The following CEP104 variants were observed in gnomAD, a reference collection of about 807,000 sequenced individuals.
CEP104 encodes centrosomal protein 104.
In CEP104, 84 loss-of-function variants were observed where a neutral mutation model predicts 113.3. The observed-to-expected ratio is 0.74, with a 90% CI of 0.62 to 0.89. The LOEUF is 0.89. CEP104 is among the 40% of genes least tolerant of loss of function. The pLI is 0.00. For synonymous variants in CEP104, 378 were observed against 421.7 expected, an observed-to-expected ratio of 0.90 and a Z score of 1.27; for missense variants, 1,053 against 1,156.6, an observed-to-expected ratio of 0.91 and a Z score of 1.30.
In CEP104 at chr1:3,852,165, T is replaced by C. The variant is rs1539648; in HGVS notation, c.113+130A>G. On this transcript the variant is annotated intron_variant, in intron 2 of 21. Transcript: ENST00000378230. ...ACAGAAAGAGATGCCTGACACTGCATGCTGACATCCTTGGTCCTGATGTCC... is the reference window on the plus strand; with the variant it reads ...ACAGAAAGAGATGCCTGACACTGCACGCTGACATCCTTGGTCCTGATGTCC... 0.62 allele frequency: 505,800 copies of C among 811,634 alleles called. 164,347 individuals carry two copies. Among genetic ancestry groups the C allele is most frequent in the Non-Finnish European group, 0.69 (375,638 of 544,982 alleles). The allele number at this position is 811,634 out of a possible 1,614,324, so 50.3% of individuals were successfully genotyped here.
intron 15 of CEP104, among the ~76,000 whole-genome samples, chr1:3,827,139 T>G (rs16824152): frequency 0.014 from 2,074 of 152,104 alleles, 45 homozygotes; most frequent in African/African-American, 0.048. Context: ...ACTCAACCAC[T>G]GACTGTGGAA....
intron 11 of CEP104, 46 bp from the exon 12 acceptor site, chr1:3,834,081 C>T (rs773609504): frequency 2.1e-6 from 3 of 1,444,340 alleles, no homozygotes; most frequent in Non-Finnish European, 2.9e-6. Flanking sequence ...CGGTGCAATT[C>T]CACCAAGAGG....
chr1:3,826,708 C>A lies in CEP104; in HGVS notation c.2188G>T (p.Asp730Tyr). Reference protein sequence around the residue: ...ESDAVKPKNQDIQGGKAAPAE... With the variant: ...ESDAVKPKNQYIQGGKAAPAE... ...TTGTGCACCCCAATTCTTTACATAC[C>A]CTGATTCTTTGGCTTCACAGCATCA... The change falls in exon 16 of 22, where the codon GAC becomes TAC. Residue 730 changes from aspartate to tyrosine, a missense_variant and splice_region_variant. Asp to Tyr is a radical substitution (Grantham distance 160, BLOSUM62 -3). Coordinates refer to ENST00000378230, the MANE Select transcript of CEP104 (RefSeq NM_014704.4). 2 of 1,614,120 alleles carry A rather than the reference C, an allele frequency of 1.2e-6. No individual in the cohort carries two copies. Among genetic ancestry groups the A allele is most frequent in the Non-Finnish European group, 1.7e-6 (2 of 1,179,992 alleles).
chr1:3,846,316 A>C (rs1311756185), intron 4 of CEP104, among the ~76,000 whole-genome samples: 1 of 151,996 alleles, frequency 6.6e-6, no homozygotes, highest in African/African-American at 2.4e-5. Flanking sequence ...CTGTAGACTA[A>C]CCCCACACCG....
chr1:3,823,262 C>T lies in CEP104; in HGVS notation c.2504-21G>A. On this transcript the variant is annotated intron_variant, in intron 19 of 21. Coordinates refer to ENST00000378230, the MANE Select transcript of CEP104 (RefSeq NM_014704.4). This position sits in a 1 kb window ranked among gnomAD's most constrained non-coding sequence, Gnocchi z 4.1. ...GGCAGCTGAAATGATTTTAAAAAGA[C>T]TCAGTCGCTCCCTGAATGACAGGCG... is the stretch of plus-strand genomic sequence containing the variant. 1.2e-6 allele frequency: 2 copies of T among 1,614,076 alleles called. No homozygotes were observed. The highest frequency in any genetic ancestry group is 1.7e-6 in the Non-Finnish European group (2 of 1,179,922).
chr1:3,834,901 C>T (rs1162424852), intron 11 of CEP104, 24 bp downstream of exon 11: 2 of 1,559,104 alleles, frequency 1.3e-6, no homozygotes, highest in African/African-American at 1.4e-5. Context: ...CACGCTGGAG[C>T]CAGCGCCAGC....
chr1:3,847,347 G>T, intron 4 of CEP104, 128 bp downstream of exon 4: 1 of 969,962 alleles, frequency 1.0e-6, no homozygotes, highest in Non-Finnish European at 1.5e-6. Flanking sequence ...AGAGAGCTCA[G>T]CAGTCTCCCA....
chr1:3,846,492 C>G (rs910004579), intron 4 of CEP104, among the ~76,000 whole-genome samples: 1 of 152,164 alleles, frequency 6.6e-6, no homozygotes, highest in Non-Finnish European at 1.5e-5. Context: ...CATATATTAT[C>G]ATTCATGACG....
At chr1:3,852,024 A>C (rs1386582623) in intron 2 of CEP104, among the ~76,000 whole-genome samples, 1 of 152,210 alleles carries the variant, frequency 6.6e-6, no homozygotes, top group Non-Finnish European at 1.5e-5. Context: ...GTATGGTTAG[A>C]CAGTTACGGG....
chr1:3,847,650 T>A (rs1415573447), intron 3 of CEP104, 37 bp from the exon 4 acceptor site: 1 of 1,611,674 alleles, frequency 6.2e-7, no homozygotes. Context: ...TTTGAAAATG[T>A]GCTGTTCAAT....
chr1:3,823,072 C>T lies in CEP104; in HGVS notation c.2571+102G>A. On this transcript the variant is annotated intron_variant, in intron 20 of 21. Transcript: ENST00000378230. The surrounding 1 kb of genome is among the most constrained non-coding windows in gnomAD (Gnocchi z 4.1). Reference sequence around the variant, plus strand: ...CCTCCCTGAACACTCATGTACTGTACTCTGTGGCTATGGTCCCGCACTGAC... The same window carrying T: ...CCTCCCTGAACACTCATGTACTGTATTCTGTGGCTATGGTCCCGCACTGAC... 1.9e-6 allele frequency: 2 copies of T among 1,074,458 alleles called. No homozygotes were observed. The highest frequency in any genetic ancestry group is 1.4e-6 in the Non-Finnish European group (1 of 699,400). 66.6% of individuals were successfully genotyped at this position (1,074,458 alleles called of 1,614,324 possible).
At chr1:3,856,071 A>G (rs910688538) in intron 1 of CEP104, 4 of 446,256 alleles carry the variant, frequency 9.0e-6, no homozygotes, top group African/African-American at 8.5e-5. Flanking sequence ...ATTTTGTTAC[A>G]AGACTAGGAA....
In CEP104 at chr1:3,835,040, G is replaced by T. The variant is rs1012607042; in HGVS notation, c.1370C>A (p.Ala457Asp). 1 of 1,613,818 alleles carries T rather than the reference G, an allele frequency of 6.2e-7. No homozygotes were observed. Residue 457 changes from alanine (A) to aspartate (D), a missense_variant, in exon 11 of 22, where the codon GCC (alanine) becomes GAC (aspartate). Coordinates refer to ENST00000378230, the MANE Select transcript of CEP104 (RefSeq NM_014704.4). ...TWSYREDALL[A>D]LSKKLMEMPV... ...CATTTCCATTAACTTCTTAGACAAG[G>T]CAAGCAGTGCATCCTCTCGGTAGGA... is the stretch of plus-strand genomic sequence containing the variant.
intron 13 of CEP104, among the ~76,000 whole-genome samples, 173 bp from the exon 14 acceptor site, chr1:3,830,170 C>T (rs1414348200): frequency 2.0e-5 from 3 of 151,946 alleles, no homozygotes; most frequent in East Asian, 1.9e-4. Flanking sequence ...CATCGTAAGC[C>T]GTGTTATACT....
chr1:3,826,828 G>GA, intron 15 of CEP104, 84 bp from the exon 16 acceptor site: 1 of 1,368,134 alleles, frequency 7.3e-7, no homozygotes, highest in Non-Finnish European at 1.0e-6. Flanking sequence ...TTTTCATCAC[G>GA]AAAGCACATT....
chr1:3,826,778 G>T, intron 15 of CEP104, 34 bp from the exon 16 acceptor site: 5 of 1,603,216 alleles, frequency 3.1e-6, no homozygotes, highest in Non-Finnish European at 4.3e-6. Flanking sequence ...CAGGGGCAAA[G>T]GGCTGCAGTG....
intron 20 of CEP104, among the ~76,000 whole-genome samples, chr1:3,818,498 G>A (rs1416844151): frequency 2.0e-5 from 3 of 152,100 alleles, no homozygotes; most frequent in Non-Finnish European, 4.4e-5. Flanking sequence ...ACCACTTCTC[G>A]CCACTTAGCT....
rs375242891 is a variant in CEP104, at chr1:3,829,396, A to T, written c.2044-23T>A. 1.5e-4 allele frequency: 237 copies of T among 1,570,708 alleles called. 1 individual carries two copies. Among genetic ancestry groups the T allele is most frequent in the Non-Finnish European group, 1.9e-4 (218 of 1,147,926 alleles). On this transcript the variant is annotated intron_variant, in intron 14 of 21. Coordinates refer to ENST00000378230, the MANE Select transcript of CEP104 (RefSeq NM_014704.4). ...TGCCTGGTAAGAAAATTATTTTTCC[A>T]TTAGAACAGCTTGTTAGGGTAATCT...
intron 6 of CEP104, among the ~76,000 whole-genome samples, chr1:3,844,668 G>A (rs1040683694): frequency 8.2e-6 from 1 of 121,322 alleles, no homozygotes; most frequent in Non-Finnish European, 1.6e-5. Flanking sequence ...ATTACACTCC[G>A]GCCTGGGCAG....
Sources: gnomAD v4.1 joint callset for allele counts (sites outside exome capture counted in the v4.1 genomes callset) on GRCh38, gnomAD v4.1.1 for gene constraint, Gnocchi (gnomAD v3.1) non-coding constraint, MANE v1.5 for transcripts, NCBI Gene and HGNC (gene_info 2026-07-23, HGNC 2026-07-21) for gene names.